The following NRXN3 variants were observed in gnomAD, a reference collection of about 807,000 sequenced individuals.
NRXN3 encodes the protein neurexin III.
In NRXN3, 32 loss-of-function variants were observed where a neutral mutation model predicts 137.6. The observed-to-expected ratio is 0.23, with a 90% CI of 0.18 to 0.31. The LOEUF is 0.31. Among genes scored for constraint, NRXN3 ranks in the 10% least tolerant of loss-of-function variants. The pLI, the probability that NRXN3 is intolerant of heterozygous loss-of-function variation, is 1.00. For synonymous variants in NRXN3, 798 were observed against 784.5 expected, an observed-to-expected ratio of 1.02 and a Z score of -0.29; for missense variants, 1,574 against 2,062.5, an observed-to-expected ratio of 0.76 and a Z score of 4.59.
chr14:78,644,056 G>A (rs1007017525), intron 4 of NRXN3, among the ~76,000 whole-genome samples: 3 of 149,786 alleles, frequency 2.0e-5, no homozygotes, highest in South Asian at 2.1e-4. Context: ...CAGGAGAATC[G>A]CTTGAACCCG....
At chr14:79,601,675 C>T (rs995169746) in intron 16 of NRXN3, among the ~76,000 whole-genome samples, 3 of 152,180 alleles carry the variant, frequency 2.0e-5, no homozygotes, top group South Asian at 2.1e-4. Context: ...GACATCATAT[C>T]GCCACGGTCT....
intron 10 of NRXN3, among the ~76,000 whole-genome samples, chr14:78,859,375 A>G (rs894436655): frequency 6.6e-6 from 1 of 152,090 alleles, no homozygotes; most frequent in Non-Finnish European, 1.5e-5. Context: ...GAGTAATAAA[A>G]CCAACCAGAT....
chr14:79,492,409 G>T (rs2096725809), intron 16 of NRXN3, among the ~76,000 whole-genome samples: 1 of 151,948 alleles, frequency 6.6e-6, no homozygotes, highest in Admixed American at 6.6e-5. Flanking sequence ...TGGGGGCAGG[G>T]TCTCACTCTG....
intron 4 of NRXN3, among the ~76,000 whole-genome samples, chr14:78,418,874 A>G (rs1226482461): frequency 1.3e-5 from 2 of 152,232 alleles, no homozygotes; most frequent in East Asian, 1.9e-4. Context: ...TGAGGCACAG[A>G]GAGGCATAGA....
chr14:79,097,408 G>A (rs2050547531), intron 15 of NRXN3, among the ~76,000 whole-genome samples: 1 of 152,180 alleles, frequency 6.6e-6, no homozygotes, highest in Admixed American at 6.5e-5. Context: ...CCAAGGGTAA[G>A]CATGGCCAAC....
At chr14:79,168,733 C>T (rs754096810) in intron 15 of NRXN3, among the ~76,000 whole-genome samples, 4 of 152,048 alleles carry the variant, frequency 2.6e-5, no homozygotes, top group Non-Finnish European at 5.9e-5. Context: ...TCTCTACCTT[C>T]GCAAATGCAG....
At chr14:78,963,253 C>T (rs945614015) in intron 11 of NRXN3, among the ~76,000 whole-genome samples, 7 of 152,076 alleles carry the variant, frequency 4.6e-5, no homozygotes, top group African/African-American at 1.2e-4. Context: ...TCCAGAATTT[C>T]TCTGAAAGTT....
intron 4 of NRXN3, among the ~76,000 whole-genome samples, chr14:78,523,643 CAAAA>C (rs3036598): frequency 1.0e-4 from 8 of 77,712 alleles, no homozygotes; most frequent in East Asian, 3.6e-4. Context: ...ACTACAAATA[CAAAA>C]AAAAAAAAAA....
At chr14:78,729,236 G>A (rs756363763) in intron 8 of NRXN3, among the ~76,000 whole-genome samples, 9 of 152,166 alleles carry the variant, frequency 5.9e-5, no homozygotes, top group East Asian at 1.9e-4. Context: ...TTCCATAGTC[G>A]CAATGTTAGC....
At chr14:78,766,432 TA>T (rs1457136100) in intron 8 of NRXN3, among the ~76,000 whole-genome samples, 1 of 152,154 alleles carries the variant, frequency 6.6e-6, no homozygotes, top group Non-Finnish European at 1.5e-5. Context: ...TTAGAGTCCT[TA>T]AAAAAATTCA....
intron 4 of NRXN3, among the ~76,000 whole-genome samples, chr14:78,626,629 A>G (rs1267046017): frequency 6.6e-6 from 1 of 152,198 alleles, no homozygotes; most frequent in Non-Finnish European, 1.5e-5. Flanking sequence ...TCATTCATGT[A>G]TTTCAGATGA....
At chr14:79,347,040 G>A (rs1055086556) in intron 15 of NRXN3, among the ~76,000 whole-genome samples, 2 of 152,112 alleles carry the variant, frequency 1.3e-5, no homozygotes, top group Non-Finnish European at 2.9e-5. Context: ...GAGGCATTAC[G>A]TGAGTTGGAG....
At chr14:78,616,047 C>A (rs1163708157) in intron 4 of NRXN3, among the ~76,000 whole-genome samples, 1 of 152,214 alleles carries the variant, frequency 6.6e-6, no homozygotes, top group African/African-American at 2.4e-5. Context: ...GCCGCCATCA[C>A]TCATCACCTG....
intron 15 of NRXN3, among the ~76,000 whole-genome samples, chr14:79,314,942 A>G (rs1168846383): frequency 1.3e-5 from 2 of 152,196 alleles, no homozygotes; most frequent in Admixed American, 6.5e-5. Context: ...GACCAAAAGT[A>G]GCACAGGGAA....
chr14:78,490,013 C>G (rs946347741), intron 4 of NRXN3, among the ~76,000 whole-genome samples: 1 of 151,752 alleles, frequency 6.6e-6, no homozygotes, highest in Non-Finnish European at 1.5e-5. Context: ...CTCCTGGGTT[C>G]AAGCGATTCT....
rs112959790 is a variant in NRXN3 at position 79,643,120 on chromosome 14, G to T, written c.3445-20658G>T. ...CTCATTTGGAAAGTCAAGACCACAT[G>T]GGTACACCTCTTATCACAAGCTTCG... On this transcript the variant is annotated intron_variant, in intron 16 of 20. Coordinates refer to ENST00000335750, the MANE Select transcript of NRXN3 (RefSeq NM_001330195.2). Among the ~76,000 whole-genome samples the T allele has an allele frequency of 4.8e-3, 650 of 136,054 alleles. 43 individuals carry two copies. Among genetic ancestry groups the T allele is most frequent in the African/African-American group, 0.015 (605 of 40,902 alleles). 89.3% of individuals were successfully genotyped at this position (136,054 alleles called of 152,430 possible).
chr14:78,603,122 G>A (rs2097215676), intron 4 of NRXN3, among the ~76,000 whole-genome samples: 1 of 152,022 alleles, frequency 6.6e-6, no homozygotes, highest in Non-Finnish European at 1.5e-5. Context: ...ATGGTTAGAA[G>A]CAGCGTGTCC....
At chr14:78,943,661 T>C (rs1311631552) in intron 10 of NRXN3, among the ~76,000 whole-genome samples, 2,189 of 80,042 alleles carry the variant, frequency 0.027, 353 homozygotes, top group African/African-American at 0.12. Context: ...TATATATATA[T>C]ATATATATAT....
rs1242768841 is a variant in NRXN3, at chr14:78,170,569, C to G, written c.-809C>G. 6.6e-6 allele frequency: 1 copy of G among 152,314 alleles called. No individual in the cohort carries two copies. Among genetic ancestry groups the G allele is most frequent in the Non-Finnish European group, 1.5e-5 (1 of 68,128 alleles). The allele number at this position is 152,314 out of a possible 1,614,324, so 9.4% of individuals were successfully genotyped here. Reference sequence around the variant, plus strand: ...GAAAGGAAAAGGAGAGAGAAAGATTCTGGAATTTGAACCTACCCAAAGAGG... The same window carrying G: ...GAAAGGAAAAGGAGAGAGAAAGATTGTGGAATTTGAACCTACCCAAAGAGG... On this transcript the variant is annotated 5_prime_UTR_variant, in exon 1 of 21. Transcript: ENST00000335750.
Sources: gnomAD v4.1 joint callset for allele counts (sites outside exome capture counted in the v4.1 genomes callset) on GRCh38, gnomAD v4.1.1 for gene constraint, MANE v1.5 for transcripts, NCBI Gene and HGNC (gene_info 2026-07-23, HGNC 2026-07-21) for gene names.